KLRG1: variants seen among roughly 807,000 people sequenced by gnomAD.
KLRG1 encodes killer cell lectin like receptor G1, also known as killer cell lectin-like receptor subfamily G member 1.
KLRG1 carries 16 observed loss-of-function variants against 21.8 expected under a neutral mutation model. That is an observed-to-expected ratio of 0.73 (90% confidence interval 0.50 to 1.11). The LOEUF (loss-of-function observed/expected upper bound fraction) is 1.11, where lower values mean the gene tolerates loss of function less well. Among genes scored for constraint, KLRG1 ranks in the 50% most tolerant of loss-of-function variants. The pLI, the probability that KLRG1 is intolerant of heterozygous loss-of-function variation, is 0.00. For missense variants in KLRG1, 173 were observed against 218.3 expected, an observed-to-expected ratio of 0.79 and a Z score of 1.31; for synonymous variants, 69 against 75.9, an observed-to-expected ratio of 0.91 and a Z score of 0.47.
At chr12:9,160,810 G>C in the KLRG1 span, among the ~76,000 whole-genome samples, 1 of 152,050 alleles carries the variant, frequency 6.6e-6, no homozygotes, top group African/African-American at 2.4e-5. Flanking sequence ...AGCTACTCGG[G>C]AGGCTGAGGC....
the KLRG1 span, chr12:9,154,816 G>A: frequency 6.2e-7 from 1 of 1,613,994 alleles, no homozygotes; most frequent in East Asian, 2.2e-5. Context: ...GGTCTCTGAG[G>A]GCGCTCCCAA....
At chr12:9,074,087 T>TAA in the KLRG1 span, among the ~76,000 whole-genome samples, 333 of 131,560 alleles carry the variant, frequency 2.5e-3, 3 homozygotes, top group Middle Eastern at 8.1e-3. Flanking sequence ...GACTCTGTCT[T>TAA]AAAAAAAAAA....
the KLRG1 span, among the ~76,000 whole-genome samples, chr12:9,202,105 A>T: frequency 6.6e-6 from 1 of 152,174 alleles, no homozygotes; most frequent in Non-Finnish European, 1.5e-5. Flanking sequence ...AGCTATTGCC[A>T]GACTGATTAA....
the KLRG1 span, chr12:9,028,285 G>A: frequency 2.1e-6 from 1 of 467,382 alleles, no homozygotes; most frequent in Non-Finnish European, 3.8e-6. Context: ...CCAAGTAGCT[G>A]GGATTACAGG....
the KLRG1 span, chr12:9,163,894 A>G: frequency 8.5e-7 from 1 of 1,176,988 alleles, no homozygotes; most frequent in Non-Finnish European, 1.2e-6. Context: ...AAATAAGGCT[A>G]AAAAAAAAGA....
the KLRG1 span, among the ~76,000 whole-genome samples, chr12:9,084,195 G>A: frequency 2.6e-5 from 4 of 152,236 alleles, no homozygotes; most frequent in East Asian, 7.7e-4. Flanking sequence ...ACTGAAGGGA[G>A]TTCTTTAAGC....
chr12:9,129,311 G>T, the KLRG1 span, among the ~76,000 whole-genome samples: 4 of 152,052 alleles, frequency 2.6e-5, no homozygotes, highest in Admixed American at 2.6e-4. Flanking sequence ...TTCTGTTGGT[G>T]ACTACATAAG....
chr12:8,980,208 C>T (rs896295080), intron 1 of KLRG1, among the ~76,000 whole-genome samples: 1 of 152,080 alleles, frequency 6.6e-6, no homozygotes, highest in Non-Finnish European at 1.5e-5. Flanking sequence ...TGTGAGTCAC[C>T]ATGCCTGGCC....
At chr12:8,992,444 G>T in intron 2 of KLRG1, 134 bp downstream of exon 2, 2 of 594,738 alleles carry the variant, frequency 3.4e-6, no homozygotes, top group South Asian at 2.3e-5. Context: ...TATTTCCTGG[G>T]TATAGCCTTT....
the KLRG1 span, chr12:9,151,788 A>G: frequency 1.3e-6 from 1 of 772,712 alleles, no homozygotes; most frequent in East Asian, 2.7e-5. Context: ...GAAGAAAGCT[A>G]ATTGTTTTCA....
At chr12:9,120,852 CGT>C in the KLRG1 span, among the ~76,000 whole-genome samples, 5,774 of 143,376 alleles carry the variant, frequency 0.04, 360 homozygotes, top group African/African-American at 0.13. Flanking sequence ...ATCCCACTAA[CGT>C]GTGTGTGTGT....
chr12:9,010,175 G>T lies in KLRG1; in HGVS notation c.*638G>T. ...TACTCCAGCCTGGGAGATAGAGCAAGACTCCATCTCTAAAAAAAAAAAAAA... is the reference window on the plus strand; with the variant it reads ...TACTCCAGCCTGGGAGATAGAGCAATACTCCATCTCTAAAAAAAAAAAAAA... On this transcript the variant is annotated 3_prime_UTR_variant, in exon 5 of 5. Coordinates refer to ENST00000356986, the MANE Select transcript of KLRG1 (RefSeq NM_005810.4). 2.0e-6 allele frequency: 1 copy of T among 494,090 alleles called. No individual in the cohort carries two copies. Among genetic ancestry groups the T allele is most frequent in the South Asian group, 3.3e-5 (1 of 30,314 alleles). The allele number at this position is 494,090 out of a possible 1,614,324, so 30.6% of individuals were successfully genotyped here. A position where few individuals can be genotyped will look rare whatever the true frequency, so the allele number is the denominator to read the frequency against.
chr12:9,078,492 G>A, the KLRG1 span, among the ~76,000 whole-genome samples: 11,300 of 152,126 alleles, frequency 0.074, 627 homozygotes, highest in Non-Finnish European at 0.11. Flanking sequence ...ATAGTGCCGC[G>A]ATAAACATAC....
At chr12:9,204,524 A>C in the KLRG1 span, among the ~76,000 whole-genome samples, 3 of 152,234 alleles carry the variant, frequency 2.0e-5, no homozygotes, top group Admixed American at 2.0e-4. Context: ...CAACACTGAA[A>C]AAAAGTATTT....
At position 9,009,405 on chromosome 12, in the gene KLRG1, G is replaced by T; in HGVS notation, c.459-21G>T. 3 of 1,613,264 alleles carry T rather than the reference G, an allele frequency of 1.9e-6. No homozygotes were observed. In the South Asian group the frequency reaches 3.3e-5, roughly 18 times the overall value. ...TCTGTGCATGCGGCCTTAAGTGATT[G>T]ACTTTTCTGATTTCTTACAGGATTT... is the stretch of plus-strand genomic sequence containing the variant. On this transcript the variant is annotated intron_variant, in intron 4 of 4. Coordinates refer to ENST00000356986, the MANE Select transcript of KLRG1 (RefSeq NM_005810.4).
chr12:9,009,377 T>C (rs747831618), intron 4 of KLRG1, 49 bp from the exon 5 acceptor site: 1 of 1,607,032 alleles, frequency 6.2e-7, no homozygotes, highest in Admixed American at 1.7e-5. Context: ...TTTCAACTCC[T>C]TTTCTGTGCA....
chr12:9,058,296 T>C, the KLRG1 span: 2 of 152,234 alleles, frequency 1.3e-5, no homozygotes. Flanking sequence ...CTCATACATG[T>C]ATGCTAAGGT....
intron 1 of KLRG1, among the ~76,000 whole-genome samples, chr12:8,965,823 A>G (rs1946461683): frequency 6.6e-6 from 1 of 152,130 alleles, no homozygotes; most frequent in Non-Finnish European, 1.5e-5. Context: ...TCTTCACAGA[A>G]TTGGAAAAAA....
At chr12:9,109,376 C>G in the KLRG1 span, 1 of 1,613,398 alleles carries the variant, frequency 6.2e-7, no homozygotes, top group East Asian at 2.2e-5. Context: ...ATCTTTGGCA[C>G]TGTTACTTGT....
Sources: allele counts gnomAD v4.1 joint callset (sites outside exome capture counted in the v4.1 genomes callset), GRCh38; gene constraint gnomAD v4.1.1; transcripts MANE v1.5; gene names NCBI Gene and HGNC (gene_info 2026-07-23, HGNC 2026-07-21).